The following MSR1 variants were observed in gnomAD, a reference collection of about 807,000 sequenced individuals.
The protein encoded by MSR1 is macrophage scavenger receptor types I and II.
A neutral mutation model predicts 47.2 loss-of-function variants in MSR1; 53 were observed. That is an observed-to-expected ratio of 1.12 (90% CI 0.90 to 1.41). The LOEUF (loss-of-function observed/expected upper bound fraction) is 1.41. Ranked by LOEUF, MSR1 falls within the 40% of genes most tolerant of loss-of-function variation. The probability of loss-of-function intolerance (pLI) is 0.00; values close to 1 mark genes in which losing one functional copy is unlikely to be tolerated. For synonymous variants in MSR1, 239 were observed against 185.6 expected (o/e 1.29, Z -2.34); for missense variants, 786 against 546.9 (o/e 1.44, Z -4.36).
At position 16,109,559 on chromosome 8, in the gene MSR1, C is replaced by A. The variant is rs1395763228; in HGVS notation, c.*526G>T. 6.1e-6 allele frequency: 1 copy of A among 163,764 alleles called. No individual in the cohort carries two copies. The highest frequency in any genetic ancestry group is 1.7e-4 in the East Asian group (1 of 5,862). 10.1% of individuals were successfully genotyped at this position (163,764 alleles called of 1,614,324 possible). On this transcript the variant is annotated 3_prime_UTR_variant, in exon 10 of 10. Transcript: ENST00000262101. ...ATCATTAACATTGATATCTAATACA[C>A]AAGTTATTGCACATTGAGATATCTT... is the stretch of plus-strand genomic sequence containing the variant.
intron 8 of MSR1, chr8:16,139,523 G>A (rs748311533): frequency 3.0e-5 from 30 of 984,344 alleles, no homozygotes; most frequent in Middle Eastern, 5.2e-4. Flanking sequence ...GTGTTAAAAC[G>A]TAAAGGAAAG....
At chr8:16,149,936 A>C (rs890101671) in intron 7 of MSR1, among the ~76,000 whole-genome samples, 4 of 151,506 alleles carry the variant, frequency 2.6e-5, no homozygotes, top group Non-Finnish European at 4.4e-5. Flanking sequence ...TGTTTTTTTA[A>C]ACGATTTTCC....
chr8:16,122,367 C>T (rs12676338), intron 8 of MSR1, among the ~76,000 whole-genome samples: 4,887 of 152,072 alleles, frequency 0.032, 169 homozygotes, highest in East Asian at 0.13. Context: ...GTGTGATATC[C>T]AAATGTTTAT....
chr8:16,123,699 C>G (rs534185463), intron 8 of MSR1, among the ~76,000 whole-genome samples: 1 of 151,328 alleles, frequency 6.6e-6, no homozygotes, highest in Non-Finnish European at 1.5e-5. Context: ...TAAACGATTT[C>G]GTGTATTATT....
chr8:16,175,409 A>C, intron 2 of MSR1, 109 bp from the exon 3 acceptor site: 1 of 918,140 alleles, frequency 1.1e-6, no homozygotes, highest in Non-Finnish European at 1.7e-6. Flanking sequence ...TATTGGAATA[A>C]AAAAGAAGAA....
intron 1 of MSR1, among the ~76,000 whole-genome samples, chr8:16,192,387 A>T (rs1290933483): frequency 6.6e-6 from 1 of 152,170 alleles, no homozygotes; most frequent in East Asian, 1.9e-4. Context: ...CACTCATGGA[A>T]AATTTAGCAG....
At chr8:16,187,451 C>G (rs546031067) in intron 1 of MSR1, among the ~76,000 whole-genome samples, 1 of 149,492 alleles carries the variant, frequency 6.7e-6, no homozygotes, top group Non-Finnish European at 1.5e-5. Context: ...CATTTTCAAC[C>G]TACAACCCCT....
chr8:16,192,201 A>C (rs971814493), intron 1 of MSR1, among the ~76,000 whole-genome samples: 11 of 152,204 alleles, frequency 7.2e-5, no homozygotes, highest in African/African-American at 2.2e-4. Context: ...ATTAAAGCCA[A>C]AAATGTTCCA....
chr8:16,169,841 T>C (rs1051843328), intron 3 of MSR1, among the ~76,000 whole-genome samples: 7 of 152,046 alleles, frequency 4.6e-5, no homozygotes, highest in Non-Finnish European at 2.9e-5. Flanking sequence ...TTCAGTAATA[T>C]AGCCAATGTT....
At chr8:16,183,438 C>T (rs887700037) in intron 1 of MSR1, among the ~76,000 whole-genome samples, 5 of 150,108 alleles carry the variant, frequency 3.3e-5, no homozygotes, top group Non-Finnish European at 7.4e-5. Flanking sequence ...ATTGAATATA[C>T]TGAATAAATA....
At chr8:16,125,803 G>A (rs922401318) in intron 8 of MSR1, among the ~76,000 whole-genome samples, 2 of 152,006 alleles carry the variant, frequency 1.3e-5, no homozygotes, top group Non-Finnish European at 2.9e-5. Flanking sequence ...GTGTCCCTGT[G>A]TCTCCCAGAT....
intron 1 of MSR1, among the ~76,000 whole-genome samples, chr8:16,183,216 T>G (rs1261432562): frequency 6.6e-6 from 1 of 152,100 alleles, no homozygotes; most frequent in East Asian, 1.9e-4. Flanking sequence ...ATTTGAGATA[T>G]TCTGCCTCCA....
At chr8:16,115,903 G>A (rs565403415) in intron 9 of MSR1, among the ~76,000 whole-genome samples, 1 of 152,096 alleles carries the variant, frequency 6.6e-6, no homozygotes, top group Non-Finnish European at 1.5e-5. Flanking sequence ...TGGGAGGATC[G>A]CTTGAGAGCA....
At chr8:16,139,316 C>T in intron 8 of MSR1, 15 of 982,270 alleles carry the variant, frequency 1.5e-5, no homozygotes, top group Non-Finnish European at 1.8e-5. Context: ...CGAAGCATAC[C>T]TTACATCTTT....
At chr8:16,159,408 T>C (rs910151261) in intron 5 of MSR1, among the ~76,000 whole-genome samples, 5 of 152,084 alleles carry the variant, frequency 3.3e-5, no homozygotes, top group African/African-American at 1.2e-4. Flanking sequence ...AATGAAATTT[T>C]ATGTAGTTCT....
At chr8:16,183,678 A>C (rs1801907695) in intron 1 of MSR1, among the ~76,000 whole-genome samples, 1 of 134,814 alleles carries the variant, frequency 7.4e-6, no homozygotes, top group African/African-American at 2.8e-5. Context: ...ATATATTATA[A>C]ATATATATTT....
chr8:16,178,960 T>C (rs12216764), intron 1 of MSR1, among the ~76,000 whole-genome samples: 1 of 152,056 alleles, frequency 6.6e-6, no homozygotes, highest in South Asian at 2.1e-4. Flanking sequence ...TTAGTTAAAT[T>C]TGTATATCTC....
At chr8:16,117,919 T>C (rs1364110604) in intron 9 of MSR1, among the ~76,000 whole-genome samples, 1 of 152,130 alleles carries the variant, frequency 6.6e-6, no homozygotes, top group Admixed American at 6.5e-5. Context: ...GCACAATAAA[T>C]GTCATGTGCT....
rs1272975081 is a variant in MSR1, at chr8:16,108,691, G to A, written c.*1394C>T. ...AGCAATGTTAAACAAGTAGAAGAAT[G>A]TTACATGATAAAAATGCATTTTCAG... On this transcript the variant is annotated 3_prime_UTR_variant, in exon 10 of 10. Transcript: ENST00000262101. 6.6e-6 allele frequency: 1 copy of A among 152,090 alleles called. No individual in the cohort carries two copies. The highest frequency in any genetic ancestry group is 2.4e-5 in the African/African-American group (1 of 41,440). The allele number at this position is 152,090 out of a possible 1,614,324, so 9.4% of individuals were successfully genotyped here. A position where few individuals can be genotyped will look rare whatever the true frequency, so the allele number is the denominator to read the frequency against.
Sources: allele counts gnomAD v4.1 joint callset (sites outside exome capture counted in the v4.1 genomes callset), GRCh38; gene constraint gnomAD v4.1.1; transcripts MANE v1.5; gene names NCBI Gene and HGNC (gene_info 2026-07-23, HGNC 2026-07-21).